NINL: variants seen among roughly 807,000 people sequenced by gnomAD.
NINL encodes ninein like, also known as ninein-like protein.
NINL carries 153 observed loss-of-function variants against 160.3 expected under a neutral mutation model. The ratio of observed to expected loss-of-function variants is 0.95; its 90% CI spans 0.84 to 1.09. The LOEUF (loss-of-function observed/expected upper bound fraction) is 1.09. Ranked by LOEUF, NINL falls within the 50% of genes least tolerant of loss-of-function variation. The probability of loss-of-function intolerance (pLI) is 0.00; values close to 1 mark genes in which losing one functional copy is unlikely to be tolerated. For missense variants in NINL, 1,829 were observed against 1,764.0 expected, an observed-to-expected ratio of 1.04 and a Z score of -0.66; for synonymous variants, 800 against 734.8, an observed-to-expected ratio of 1.09 and a Z score of -1.43.
intron 1 of NINL, among the ~76,000 whole-genome samples, chr20:25,549,473 C>G (rs2064781196): frequency 6.6e-6 from 1 of 152,218 alleles, no homozygotes; most frequent in Non-Finnish European, 1.5e-5. Flanking sequence ...TCGTCCCAGA[C>G]ACTGTCTCTC....
chr20:25,584,640 G>A (rs887936552), intron 1 of NINL, among the ~76,000 whole-genome samples: 1 of 152,102 alleles, frequency 6.6e-6, no homozygotes, highest in Non-Finnish European at 1.5e-5. Context: ...CCAAGGCCCC[G>A]CCAGCTTCAT....
intron 1 of NINL, among the ~76,000 whole-genome samples, chr20:25,585,227 G>A (rs1263902082): frequency 6.6e-6 from 1 of 152,178 alleles, no homozygotes; most frequent in Non-Finnish European, 1.5e-5. Context: ...GGCCCAGCGG[G>A]CGCTGTATTT....
Position 25,491,619 on chromosome 20 carries a change from G to A in NINL, c.1311-94C>T, listed in dbSNP as rs1033702540. ...TCCTAGCCTCCTCCCTCTTAGAAAC[G>A]CCCCTGTCCTCAGCACGTGCAGGGC... On this transcript the variant is annotated intron_variant, in intron 10 of 23. Coordinates refer to ENST00000278886, the MANE Select transcript of NINL (RefSeq NM_025176.6). 1.7e-5 allele frequency: 24 copies of A among 1,453,492 alleles called. No individual in the cohort carries two copies. The Admixed American group carries it at 3.4e-4, about 21-fold the overall frequency. The allele number at this position is 1,453,492 out of a possible 1,614,324, so 90.0% of individuals were successfully genotyped here. A position where few individuals can be genotyped will look rare whatever the true frequency, so the allele number is the denominator to read the frequency against.
At chr20:25,527,629 CAA>C (rs1285985450) in intron 1 of NINL, among the ~76,000 whole-genome samples, 1 of 151,804 alleles carries the variant, frequency 6.6e-6, no homozygotes, top group Admixed American at 6.6e-5. Flanking sequence ...TAATAAATCA[CAA>C]AAGATATATA....
chr20:25,493,868 C>T (rs1016602073), intron 10 of NINL, among the ~76,000 whole-genome samples: 6 of 152,124 alleles, frequency 3.9e-5, no homozygotes, highest in Non-Finnish European at 8.8e-5. Flanking sequence ...GGGCCCCAGC[C>T]ACTGCCTGCA....
chr20:25,557,475 GAGCCGAGATCACACCA>G (rs1568964831), intron 1 of NINL, among the ~76,000 whole-genome samples: 5 of 149,448 alleles, frequency 3.3e-5, no homozygotes, highest in Non-Finnish European at 7.4e-5. Flanking sequence ...AGGCTTCAGT[GAGCCGAGATCACACCA>G]CTGCACTCCA....
At chr20:25,558,313 T>C (rs1334142139) in intron 1 of NINL, among the ~76,000 whole-genome samples, 4 of 152,196 alleles carry the variant, frequency 2.6e-5, no homozygotes, top group Non-Finnish European at 4.4e-5. Context: ...ATTCAAGCGA[T>C]TCTCCTGCCT....
chr20:25,557,645 C>A (rs2064883547), intron 1 of NINL, among the ~76,000 whole-genome samples: 1 of 151,950 alleles, frequency 6.6e-6, no homozygotes, highest in East Asian at 1.9e-4. Context: ...GCATCTAACA[C>A]TAGAGCCTCA....
intron 1 of NINL, among the ~76,000 whole-genome samples, chr20:25,531,292 T>G (rs944585659): frequency 6.6e-6 from 1 of 152,188 alleles, no homozygotes; most frequent in African/African-American, 2.4e-5. Context: ...CAAACACACA[T>G]GCTCTACAAA....
chr20:25,571,856 A>C (rs957886776), intron 1 of NINL, among the ~76,000 whole-genome samples: 4 of 107,284 alleles, frequency 3.7e-5, no homozygotes, highest in African/African-American at 1.4e-4. Flanking sequence ...CAAGAGAGTG[A>C]GACTCTGTCT....
intron 19 of NINL, among the ~76,000 whole-genome samples, chr20:25,467,014 G>A (rs1162475783): frequency 6.6e-6 from 1 of 152,208 alleles, no homozygotes; most frequent in South Asian, 2.1e-4. Context: ...ACAAGCAGCT[G>A]GGCCTCGGGC....
intron 1 of NINL, among the ~76,000 whole-genome samples, chr20:25,549,489 G>A (rs1017475719): frequency 4.6e-5 from 7 of 152,332 alleles, no homozygotes; most frequent in African/African-American, 1.7e-4. Flanking sequence ...CTCTCTGGCC[G>A]TTGCTCAGCA....
intron 1 of NINL, among the ~76,000 whole-genome samples, chr20:25,560,984 C>T (rs2064926958): frequency 7.7e-6 from 1 of 129,820 alleles, no homozygotes; most frequent in Non-Finnish European, 1.7e-5. Flanking sequence ...CCCTCTCTCT[C>T]TCCCTCCTCT....
intron 1 of NINL, among the ~76,000 whole-genome samples, chr20:25,561,452 T>A (rs181352201): frequency 1.3e-5 from 2 of 151,438 alleles, no homozygotes; most frequent in African/African-American, 4.9e-5. Context: ...GCCCGGCCGC[T>A]ACCCCGTCTG....
chr20:25,471,168 G>A (rs1217033178), intron 17 of NINL, among the ~76,000 whole-genome samples: 1 of 151,856 alleles, frequency 6.6e-6, no homozygotes, highest in African/African-American at 2.4e-5. Context: ...GATAATTTTT[G>A]TTGTGGTGGA....
chr20:25,555,739 A>G (rs2064857625), intron 1 of NINL, among the ~76,000 whole-genome samples: 1 of 152,080 alleles, frequency 6.6e-6, no homozygotes, highest in Non-Finnish European at 1.5e-5. Context: ...CAATGGCACA[A>G]TCTGGGCTCA....
chr20:25,473,671 CACAT>C (rs1184409117), intron 17 of NINL, among the ~76,000 whole-genome samples: 8 of 92,932 alleles, frequency 8.6e-5, no homozygotes, highest in South Asian at 3.5e-4. Flanking sequence ...TAAAAATACA[CACAT>C]ACACACACAC....
In NINL at chr20:25,512,871, C is replaced by G; in HGVS notation, c.413G>C (p.Ser138Thr). The change falls in exon 4 of 24, where the codon AGT (serine) becomes ACT (threonine). Residue 138 changes from serine (S) to threonine (T), a missense_variant. By Grantham distance (58) the Ser-to-Thr change is moderately conservative. Transcript: ENST00000278886. ...PEQQTQASLKSHLWRSASLES... is the reference protein window; with the variant it reads ...PEQQTQASLKTHLWRSASLES... ...CAGAGACGCTGAGCGCCAGAGGTGA[C>G]TTTTCAGGCTGGCCTGGGTTTGCTG... 1 of 1,614,156 alleles carries G rather than the reference C, an allele frequency of 6.2e-7. No individual in the cohort carries two copies. The highest frequency in any genetic ancestry group is 8.5e-7 in the Non-Finnish European group (1 of 1,180,002).
rs56260321 is a variant in NINL, at chr20:25,472,324, G to GATATATAT, written c.3249-2237_3249-2230dup. Among the ~76,000 whole-genome samples the GATATATAT allele has an allele frequency of 5.7e-3, 479 of 83,860 alleles. 10 individuals are homozygous for GATATATAT. The highest frequency in any genetic ancestry group is 7.3e-3 in the Non-Finnish European group (312 of 42,490). The allele number at this position is 83,860 out of a possible 152,430, so 55.0% of individuals were successfully genotyped here. On this transcript the variant is annotated intron_variant, in intron 17 of 23. Coordinates refer to ENST00000278886, the MANE Select transcript of NINL (RefSeq NM_025176.6). Reference sequence around the variant, plus strand: ...ATTGAAGAAAATAGTGGGAGGAGAGGATATATATATATATATATATATATA... The same window carrying GATATATAT: ...ATTGAAGAAAATAGTGGGAGGAGAGGATATATATATATATATATATATATATATATATA...
Sources: gnomAD v4.1 joint callset for allele counts (sites outside exome capture counted in the v4.1 genomes callset) on GRCh38, gnomAD v4.1.1 for gene constraint, MANE v1.5 for transcripts, NCBI Gene and HGNC (gene_info 2026-07-23, HGNC 2026-07-21) for gene names.